The following PARG variants were observed in gnomAD, a reference collection of about 807,000 sequenced individuals.
PARG encodes the protein poly(ADP-ribose) glycohydrolase.
In PARG, 35 loss-of-function variants were observed where a neutral mutation model predicts 113.0. That is an observed-to-expected ratio of 0.31 (90% confidence interval 0.24 to 0.41). The LOEUF (loss-of-function observed/expected upper bound fraction) is 0.41. Ranked by LOEUF, PARG falls within the 10% of genes least tolerant of loss-of-function variation. The pLI, the probability that PARG is intolerant of heterozygous loss-of-function variation, is 1.00. For synonymous variants in PARG, 330 were observed against 409.9 expected, an observed-to-expected ratio of 0.81 and a Z score of 2.36; for missense variants, 797 against 1,169.4, an observed-to-expected ratio of 0.68 and a Z score of 4.64.
chr10:49,823,959 G>A (rs1192686118), intron 16 of PARG, among the ~76,000 whole-genome samples: 1 of 152,060 alleles, frequency 6.6e-6, no homozygotes, highest in African/African-American at 2.4e-5. Flanking sequence ...CCATAAGCAC[G>A]TGTTAGACTA....
At chr10:49,873,031 G>A (rs782428429) in intron 9 of PARG, among the ~76,000 whole-genome samples, 6 of 68 alleles carry the variant, frequency 0.088, 1 homozygote, top group African/African-American at 0.2. Context: ...CAGAAGCATC[G>A]ATGCTAATCA....
At position 49,940,227 on chromosome 10, in the gene PARG, T is replaced by C. The variant is rs1249561966; in HGVS notation, c.217+1282A>G. Among the ~76,000 whole-genome samples the C allele has an allele frequency of 5.6e-4, 84 of 149,238 alleles. 2 individuals carry two copies. The East Asian group carries it at 0.015, about 26-fold the overall frequency. The stretch of plus-strand genomic sequence containing the variant: ...GCCTAAGCTACAATTATTTCCAACC[T>C]AGATTAACTCCTTAACTGAGTCTTG... On this transcript the variant is annotated intron_variant, in intron 1 of 17. Coordinates refer to ENST00000616448, the MANE Select transcript of PARG (RefSeq NM_003631.5).
chr10:49,932,384 T>C, intron 3 of PARG, 101 bp from the exon 4 acceptor site: 6 of 739,282 alleles, frequency 8.1e-6, no homozygotes, highest in East Asian at 2.5e-5. Context: ...GTTTAAAGTA[T>C]GCCATACTTG....
chr10:49,827,331 G>A (rs2132371126), intron 16 of PARG, among the ~76,000 whole-genome samples: 1 of 152,328 alleles, frequency 6.6e-6, no homozygotes, highest in South Asian at 2.1e-4. Flanking sequence ...GGTAGGGAAT[G>A]GGGATAGAAA....
At chr10:49,905,171 G>T (rs1469957633) in intron 7 of PARG, among the ~76,000 whole-genome samples, 1 of 151,290 alleles carries the variant, frequency 6.6e-6, no homozygotes, top group African/African-American at 2.5e-5. Context: ...TTAAAATAAA[G>T]AAACTTAAAG....
At chr10:49,867,168 ATCCTT>A (rs1260076153) in intron 10 of PARG, 16 of 150,822 alleles carry the variant, frequency 1.1e-4, no homozygotes, top group South Asian at 2.1e-4. Flanking sequence ...ATCTGAATTA[ATCCTT>A]TGTGGCAGGC....
Position 49,829,184 on chromosome 10 carries a change from C to T in PARG, c.2647+3619G>A, listed in dbSNP as rs561389465. ...TCAGGAGGTGGAGGTTGCAGTGAGT[C>T]GAGATAGTGCCACTGCATTCCAGCC... On this transcript the variant is annotated intron_variant, in intron 16 of 17. Coordinates refer to ENST00000616448, the MANE Select transcript of PARG (RefSeq NM_003631.5). 6.6e-5 allele frequency among the ~76,000 whole-genome samples: 10 copies of T among 151,932 alleles called. No homozygotes were observed. The South Asian group carries it at 1.0e-3, about 16-fold the overall frequency.
intron 16 of PARG, among the ~76,000 whole-genome samples, chr10:49,824,558 A>G (rs987799516): frequency 6.6e-6 from 1 of 152,166 alleles, no homozygotes; most frequent in Non-Finnish European, 1.5e-5. Context: ...ATAACATGAA[A>G]AGCAATTCAT....
At chr10:49,842,939 G>C (rs1554832635) in intron 14 of PARG, among the ~76,000 whole-genome samples, 1 of 152,060 alleles carries the variant, frequency 6.6e-6, no homozygotes, top group Admixed American at 6.6e-5. Flanking sequence ...CTGCCACAAT[G>C]GTTTTCTCAT....
chr10:49,843,850 C>T (rs1845365019), intron 13 of PARG, among the ~76,000 whole-genome samples: 2 of 152,154 alleles, frequency 1.3e-5, no homozygotes, highest in African/African-American at 4.8e-5. Context: ...CATAGCAAAT[C>T]CTAAGGAATC....
intron 16 of PARG, among the ~76,000 whole-genome samples, chr10:49,822,226 G>C (rs538131189): frequency 6.7e-6 from 1 of 149,262 alleles, no homozygotes; most frequent in Admixed American, 6.7e-5. Context: ...ATGTGTATCT[G>C]TGTGTGTGTG....
At chr10:49,848,728 A>G (rs1554833722) in intron 13 of PARG, among the ~76,000 whole-genome samples, 1 of 152,158 alleles carries the variant, frequency 6.6e-6, no homozygotes, top group Non-Finnish European at 1.5e-5. Context: ...CTGAAAATCA[A>G]TTGCATTTCC....
At chr10:49,834,068 C>T (rs1844798024) in intron 15 of PARG, among the ~76,000 whole-genome samples, 1 of 152,088 alleles carries the variant, frequency 6.6e-6, no homozygotes, top group African/African-American at 2.4e-5. Context: ...TAAGTTGGTA[C>T]CAGATCATTA....
intron 7 of PARG, among the ~76,000 whole-genome samples, chr10:49,891,608 TATATATATA>T (rs1847790965): frequency 2.2e-5 from 1 of 46,210 alleles, no homozygotes; most frequent in African/African-American, 1.3e-4. Flanking sequence ...TATATATATA[TATATATATA>T]TATATATTTT....
chr10:49,858,465 A>G (rs1382993022), intron 12 of PARG, among the ~76,000 whole-genome samples: 13 of 123,422 alleles, frequency 1.1e-4, no homozygotes, highest in Admixed American at 8.0e-4. Flanking sequence ...AAAATATACG[A>G]TTTCTTAAAA....
intron 4 of PARG, among the ~76,000 whole-genome samples, chr10:49,927,685 T>C (rs1343626429): frequency 5.3e-5 from 8 of 151,808 alleles, no homozygotes; most frequent in Non-Finnish European, 1.2e-4. Context: ...TGGAGTCAAA[T>C]GTGGCCAGGC....
intron 7 of PARG, among the ~76,000 whole-genome samples, chr10:49,909,451 A>G (rs1554845689): frequency 6.6e-6 from 1 of 152,110 alleles, no homozygotes; most frequent in African/African-American, 2.4e-5. Context: ...CACAAGTTCA[A>G]AAACTGTTAT....
chr10:49,926,915 C>A (rs1315399372), intron 4 of PARG, among the ~76,000 whole-genome samples: 1 of 152,164 alleles, frequency 6.6e-6, no homozygotes, highest in Non-Finnish European at 1.5e-5. Context: ...TGCAAACAAA[C>A]ACCCCTACTT....
intron 16 of PARG, among the ~76,000 whole-genome samples, chr10:49,830,665 C>T (rs1369782968): frequency 6.6e-6 from 1 of 151,978 alleles, no homozygotes; most frequent in Admixed American, 6.6e-5. Context: ...ACAAAACAAA[C>T]AAATGGCCAA....
Sources: gnomAD v4.1 joint callset for allele counts (sites outside exome capture counted in the v4.1 genomes callset) on GRCh38, gnomAD v4.1.1 for gene constraint, MANE v1.5 for transcripts, NCBI Gene and HGNC (gene_info 2026-07-23, HGNC 2026-07-21) for gene names.